CADM2: variants seen among roughly 807,000 people sequenced by gnomAD.
CADM2 encodes cell adhesion molecule 2.
CADM2 carries 12 observed loss-of-function variants against 49.8 expected under a neutral mutation model. That is an observed-to-expected ratio of 0.24 (90% confidence interval 0.15 to 0.39). The LOEUF is 0.39. Among genes scored for constraint, CADM2 ranks in the 10% least tolerant of loss-of-function variants. The pLI is 1.00. For synonymous variants in CADM2, 214 were observed against 175.4 expected, an observed-to-expected ratio of 1.22 and a Z score of -1.74; for missense variants, 378 against 492.3, an observed-to-expected ratio of 0.77 and a Z score of 2.20.
chr3:85,437,245 C>CTACT (rs1208667584), intron 1 of CADM2, among the ~76,000 whole-genome samples: 14 of 152,170 alleles, frequency 9.2e-5, no homozygotes, highest in Non-Finnish European at 1.5e-4. Context: ...ATCCATTCAC[C>CTACT]TACTGAATAC....
intron 5 of CADM2, among the ~76,000 whole-genome samples, chr3:85,895,564 G>A (rs1715110892): frequency 6.6e-6 from 1 of 152,116 alleles, no homozygotes; most frequent in Non-Finnish European, 1.5e-5. Flanking sequence ...GGGGACTGTT[G>A]GGAAGGCATG....
At chr3:85,295,455 G>T (rs1364613881) in intron 1 of CADM2, among the ~76,000 whole-genome samples, 1 of 152,104 alleles carries the variant, frequency 6.6e-6, no homozygotes, top group Admixed American at 6.5e-5. Context: ...ATACCCAAAG[G>T]ACTATAAATC....
intron 8 of CADM2, among the ~76,000 whole-genome samples, chr3:86,038,826 A>G (rs959871102): frequency 2.0e-5 from 3 of 152,172 alleles, no homozygotes; most frequent in African/African-American, 7.2e-5. Context: ...AATTTGTTAA[A>G]TGATTTTCCT....
intron 1 of CADM2, among the ~76,000 whole-genome samples, chr3:85,714,593 AT>A (rs1244021941): frequency 6.6e-6 from 1 of 151,238 alleles, no homozygotes; most frequent in African/African-American, 2.4e-5. Context: ...CGCCCGGCTA[AT>A]TTTTTTGTAT....
At chr3:86,028,110 G>GT (rs1216347269) in intron 8 of CADM2, 34 of 150,086 alleles carry the variant, frequency 2.3e-4, no homozygotes, top group Non-Finnish European at 5.0e-4. Flanking sequence ...TAAATGATGA[G>GT]TTAATGGGTG....
chr3:85,942,047 T>C (rs1444539850), intron 7 of CADM2, among the ~76,000 whole-genome samples: 2 of 152,118 alleles, frequency 1.3e-5, no homozygotes, highest in East Asian at 1.9e-4. Flanking sequence ...AATGGTAGAA[T>C]TGGGATTACA....
rs536382222 is a variant in CADM2, at chr3:85,647,555, TAG to T, written c.62-78962_62-78961del. ...TAGAGACTTGTGAAATTTTTTTGCA[TAG>T]AGAGTGTTTTTGTGATTTTTAATAT... On this transcript the variant is annotated intron_variant, in intron 1 of 9. Coordinates refer to ENST00000383699, the MANE Select transcript of CADM2 (RefSeq NM_001167675.2). Among the ~76,000 whole-genome samples the T allele has an allele frequency of 1.1e-3, 173 of 151,898 alleles. 3 individuals carry two copies. Among genetic ancestry groups the T allele is most frequent in the African/African-American group, 3.7e-3 (154 of 41,540 alleles).
At chr3:85,795,821 A>G (rs1217223116) in intron 2 of CADM2, among the ~76,000 whole-genome samples, 2 of 152,158 alleles carry the variant, frequency 1.3e-5, no homozygotes, top group Non-Finnish European at 2.9e-5. Context: ...ATTTGTTTTC[A>G]TTGTTGTCTA....
At chr3:85,302,012 T>C (rs995435985) in intron 1 of CADM2, among the ~76,000 whole-genome samples, 2 of 152,114 alleles carry the variant, frequency 1.3e-5, no homozygotes, top group Non-Finnish European at 1.5e-5. Flanking sequence ...TTTCTTAGAA[T>C]GTTTTGCTAG....
At chr3:85,093,110 C>T (rs2037660629) in intron 1 of CADM2, among the ~76,000 whole-genome samples, 1 of 152,126 alleles carries the variant, frequency 6.6e-6, no homozygotes, top group South Asian at 2.1e-4. Flanking sequence ...TTCATAGGTC[C>T]AGCATTCCTA....
In CADM2 at chr3:85,721,735, G is replaced by T. The variant is rs563186313; in HGVS notation, c.62-4787G>T. Among the ~76,000 whole-genome samples the T allele has an allele frequency of 3.3e-5, 5 of 152,332 alleles. 1 individual carries two copies. In the South Asian group the frequency reaches 1.0e-3, roughly 32 times the overall value. Reference sequence around the variant, plus strand: ...GCAGGGCCCCAAAGTGGGAGCCACAGCCCTGGAATGGGGTGCTCCCAGGTC... The same window carrying T: ...GCAGGGCCCCAAAGTGGGAGCCACATCCCTGGAATGGGGTGCTCCCAGGTC... On this transcript the variant is annotated intron_variant, in intron 1 of 9. Coordinates refer to ENST00000383699, the MANE Select transcript of CADM2 (RefSeq NM_001167675.2).
intron 1 of CADM2, among the ~76,000 whole-genome samples, chr3:85,437,223 A>G (rs1050497913): frequency 6.6e-6 from 1 of 152,072 alleles, no homozygotes; most frequent in African/African-American, 2.4e-5. Flanking sequence ...TTATCTGGCT[A>G]TATCACAGTT....
chr3:85,303,306 G>C (rs559718746), intron 1 of CADM2, among the ~76,000 whole-genome samples: 1 of 152,070 alleles, frequency 6.6e-6, no homozygotes, highest in South Asian at 2.1e-4. Context: ...AAGTGTTAAA[G>C]CCTGAGAGGT....
At chr3:85,737,702 C>G (rs1182503263) in intron 2 of CADM2, among the ~76,000 whole-genome samples, 1 of 151,670 alleles carries the variant, frequency 6.6e-6, no homozygotes, top group African/African-American at 2.4e-5. Context: ...GGACTACAGG[C>G]GCCCACCACC....
chr3:85,277,448 T>C (rs917206725), intron 1 of CADM2, among the ~76,000 whole-genome samples: 20 of 151,328 alleles, frequency 1.3e-4, no homozygotes, highest in African/African-American at 4.6e-4. Flanking sequence ...ACTTATATAA[T>C]ACCCAGCCAG....
intron 3 of CADM2, among the ~76,000 whole-genome samples, chr3:85,807,518 A>G (rs1178867804): frequency 6.6e-6 from 1 of 151,068 alleles, no homozygotes; most frequent in Non-Finnish European, 1.5e-5. Flanking sequence ...AAAAAAAAAA[A>G]GACAAAAAGA....
In CADM2 at chr3:86,049,800, G is replaced by A. The variant is rs568849256; in HGVS notation, c.971-15805G>A. On this transcript the variant is annotated intron_variant, in intron 8 of 9. Coordinates refer to ENST00000383699, the MANE Select transcript of CADM2 (RefSeq NM_001167675.2). Reference sequence around the variant, plus strand: ...ATCAAGAGAACAGCACCAACGGGGCGGTGCCAAACCGTTCATGAGAAACTG... The same window carrying A: ...ATCAAGAGAACAGCACCAACGGGGCAGTGCCAAACCGTTCATGAGAAACTG... 1.2e-4 allele frequency among the ~76,000 whole-genome samples: 18 copies of A among 152,160 alleles called. No homozygotes were observed. In the South Asian group the frequency reaches 2.7e-3, roughly 23 times the overall value.
rs144351723 is a variant in CADM2, at chr3:85,605,956, G to A, written c.62-120566G>A. On this transcript the variant is annotated intron_variant, in intron 1 of 9. Coordinates refer to ENST00000383699, the MANE Select transcript of CADM2 (RefSeq NM_001167675.2). ...TGAATGCTTAATAGTTAAAGAAGAC[G>A]TGAATAAGAAAGTTCATGAAGCAGA... Among the ~76,000 whole-genome samples the A allele has an allele frequency of 9.2e-4, 140 of 152,182 alleles. 1 individual carries two copies. The highest frequency in any genetic ancestry group is 3.2e-3 in the African/African-American group (133 of 41,568).
At chr3:85,957,903 C>T (rs558677704) in intron 7 of CADM2, among the ~76,000 whole-genome samples, 22 of 151,996 alleles carry the variant, frequency 1.4e-4, no homozygotes, top group African/African-American at 4.1e-4. Flanking sequence ...ATGATGAAAA[C>T]GCCAAAAGCG....
Sources: gnomAD v4.1 joint callset for allele counts (sites outside exome capture counted in the v4.1 genomes callset) on GRCh38, gnomAD v4.1.1 for gene constraint, MANE v1.5 for transcripts, NCBI Gene and HGNC (gene_info 2026-07-23, HGNC 2026-07-21) for gene names.